Variants in ZFHX3 observed in about 807,000 individuals in gnomAD.
The protein encoded by ZFHX3 is zinc finger homeobox 3.
ZFHX3 carries 42 observed loss-of-function variants against 279.1 expected under a neutral mutation model. The observed-to-expected ratio is 0.15, with a 90% CI of 0.12 to 0.19. ZFHX3 has a LOEUF of 0.19. Ranked by LOEUF, ZFHX3 falls within the 10% of genes least tolerant of loss-of-function variation. The probability of loss-of-function intolerance (pLI) is 1.00; values close to 1 mark genes in which losing one functional copy is unlikely to be tolerated. For missense variants in ZFHX3, 4,981 were observed against 4,754.0 expected (o/e 1.05, Z -1.40); for synonymous variants, 2,293 against 1,957.8 (o/e 1.17, Z -4.52).
intron 3 of ZFHX3, among the ~76,000 whole-genome samples, chr16:73,335,267 G>C (rs544463614): frequency 6.6e-6 from 1 of 152,192 alleles, no homozygotes; most frequent in South Asian, 2.1e-4. Context: ...ATGAAGACAG[G>C]TTTATTTTCC....
intron 4 of ZFHX3, among the ~76,000 whole-genome samples, chr16:72,888,932 G>A (rs564765106): frequency 6.6e-6 from 1 of 152,260 alleles, no homozygotes; most frequent in South Asian, 2.1e-4. Flanking sequence ...GAAAGTTTTG[G>A]TTTCTAAAGA....
intron 3 of ZFHX3, among the ~76,000 whole-genome samples, chr16:73,352,841 T>C (rs1022291776): frequency 1.3e-5 from 2 of 152,162 alleles, no homozygotes; most frequent in African/African-American, 4.8e-5. Flanking sequence ...TGGGACTTCA[T>C]CTGCTGTGAA....
chr16:72,939,162 G>A (rs922364011), intron 3 of ZFHX3, among the ~76,000 whole-genome samples: 7 of 152,150 alleles, frequency 4.6e-5, no homozygotes, highest in African/African-American at 1.7e-4. Flanking sequence ...AGGAGCTATG[G>A]GAGGACCACA....
intron 1 of ZFHX3, among the ~76,000 whole-genome samples, chr16:73,843,416 G>C (rs1428545376): frequency 6.6e-6 from 1 of 152,188 alleles, no homozygotes; most frequent in African/African-American, 2.4e-5. Flanking sequence ...GGTTCACAAA[G>C]AAACAAAGCC....
At chr16:73,153,370 C>T (rs1420166157) in intron 5 of ZFHX3, among the ~76,000 whole-genome samples, 1 of 152,204 alleles carries the variant, frequency 6.6e-6, no homozygotes, top group Admixed American at 6.5e-5. Flanking sequence ...AAGAAGCCTC[C>T]TGCCTCCGTC....
At chr16:73,358,233 C>T (rs950411242) in intron 3 of ZFHX3, among the ~76,000 whole-genome samples, 9 of 152,250 alleles carry the variant, frequency 5.9e-5, no homozygotes, top group African/African-American at 1.9e-4. Context: ...GTCCCCTCCC[C>T]TCGAGTGTGG....
chr16:72,889,662 C>T (rs2038721619), intron 4 of ZFHX3, 69 bp downstream of exon 4: 3 of 1,481,072 alleles, frequency 2.0e-6, no homozygotes, highest in African/African-American at 1.4e-5. Flanking sequence ...AACAGAAGTC[C>T]TCTGGAGGTC....
intron 1 of ZFHX3, chr16:73,015,199 A>G (rs752615840): frequency 5.9e-5 from 9 of 151,898 alleles, no homozygotes; most frequent in East Asian, 1.9e-4. Context: ...GACGCCTACC[A>G]CCGTGCACAG....
Position 73,134,804 on chromosome 16 carries a change from T to C in ZFHX3, c.-1023-3710A>G, listed in dbSNP as rs376225624. Among the ~76,000 whole-genome samples, 23 of 152,164 alleles carry C rather than the reference T, an allele frequency of 1.5e-4. No individual in the cohort carries two copies. The South Asian group carries it at 4.4e-3, about 29-fold the overall frequency. On this transcript the variant is annotated intron_variant, in intron 6 of 17. Coordinates refer to the ZFHX3 transcript ENST00000641206. ...TGACTTGCTTTGGCTGCCAATAAAA[T>C]GTAAGAGGAGGTGATGTTTGCTACT...
intron 1 of ZFHX3, among the ~76,000 whole-genome samples, chr16:73,730,031 G>T (rs534607250): frequency 6.6e-6 from 1 of 152,138 alleles, no homozygotes; most frequent in Non-Finnish European, 1.5e-5. Flanking sequence ...AAGACAATCA[G>T]ACAAACATGG....
intron 2 of ZFHX3, among the ~76,000 whole-genome samples, chr16:73,533,622 A>T (rs189806403): frequency 6.6e-6 from 1 of 152,076 alleles, no homozygotes; most frequent in Non-Finnish European, 1.5e-5. Flanking sequence ...TGGGCTAATC[A>T]GCATCTTCAC....
rs373357741 is a variant in ZFHX3, at chr16:73,342,419, C to G, written c.-1290-24083G>C. On this transcript the variant is annotated intron_variant, in intron 3 of 17. Coordinates refer to the ZFHX3 transcript ENST00000641206. ...TCACAATGGAGATATTGGAAACAAT[C>G]TCAATGGCCACGAATAGAAGACTGG... Among the ~76,000 whole-genome samples, 17 of 152,290 alleles carry G rather than the reference C, an allele frequency of 1.1e-4. No homozygotes were observed. The South Asian group carries it at 3.5e-3, about 32-fold the overall frequency.
chr16:73,450,359 T>C (rs965144313), intron 3 of ZFHX3, among the ~76,000 whole-genome samples: 2 of 152,224 alleles, frequency 1.3e-5, no homozygotes, highest in African/African-American at 4.8e-5. Flanking sequence ...TCAACAGATT[T>C]GAAAGACTTT....
intron 1 of ZFHX3, among the ~76,000 whole-genome samples, chr16:73,021,176 C>T (rs1470150467): frequency 6.6e-6 from 1 of 152,092 alleles, no homozygotes; most frequent in Non-Finnish European, 1.5e-5. Flanking sequence ...CATATAGTGG[C>T]TCAATAAAAG....
chr16:73,875,773 C>A (rs2029927726), intron 1 of ZFHX3, among the ~76,000 whole-genome samples: 1 of 152,134 alleles, frequency 6.6e-6, no homozygotes, highest in African/African-American at 2.4e-5. Flanking sequence ...CATCTGATAG[C>A]CAGATACATA....
intron 7 of ZFHX3, among the ~76,000 whole-genome samples, chr16:73,125,069 T>C (rs1966546299): frequency 6.6e-6 from 1 of 152,070 alleles, no homozygotes; most frequent in South Asian, 2.1e-4. Flanking sequence ...ATCCAGCCCA[T>C]GGATTTAAAA....
At position 73,448,695 on chromosome 16, in the gene ZFHX3, T is replaced by A. The variant is rs906321550; in HGVS notation, c.-1291+7308A>T. On this transcript the variant is annotated intron_variant, in intron 3 of 17. Coordinates refer to the ZFHX3 transcript ENST00000641206. ...GTGTATATTTATATACGTGTGTGTG[T>A]GTGTGTGTGTGTGTGTGTGTGTGTG... 1.3e-3 allele frequency among the ~76,000 whole-genome samples: 196 copies of A among 151,014 alleles called. 1 individual carries two copies. The highest frequency in any genetic ancestry group is 4.4e-3 in the African/African-American group (179 of 41,108).
In ZFHX3 at chr16:72,957,878, G is replaced by C; in HGVS notation, c.2268C>G (p.Asn756Lys). Reference sequence around the variant, plus strand: ...CCTGCTCCCCCCCTCCATTCTGCAGGTTCTGCATGTTGTTGAGATGCTTGT... The same window carrying C: ...CCTGCTCCCCCCCTCCATTCTGCAGCTTCTGCATGTTGTTGAGATGCTTGT... Reference protein sequence around the residue: ...QSDKHLNNMQNLQNGGGEQVF... With the variant: ...QSDKHLNNMQKLQNGGGEQVF... The change falls in exon 2 of 10, where the codon AAC becomes AAG. Residue 756 changes from asparagine (N) to lysine (K), a missense_variant. By Grantham distance (94) the Asn-to-Lys change is moderately conservative (BLOSUM62 0). Coordinates refer to ENST00000268489, the MANE Select transcript of ZFHX3 (RefSeq NM_006885.4). 6.2e-7 allele frequency: 1 copy of C among 1,614,072 alleles called. No individual in the cohort carries two copies. Among genetic ancestry groups the C allele is most frequent in the Non-Finnish European group, 8.5e-7 (1 of 1,180,028 alleles).
At chr16:72,799,185 A>G (rs574834540) in intron 8 of ZFHX3, among the ~76,000 whole-genome samples, 98 of 152,242 alleles carry the variant, frequency 6.4e-4, no homozygotes, top group Non-Finnish European at 1.0e-3. Context: ...GGAATTTACA[A>G]GAACTGCTGA....
Sources: gnomAD v4.1 joint callset for allele counts (sites outside exome capture counted in the v4.1 genomes callset) on GRCh38, gnomAD v4.1.1 for gene constraint, MANE v1.5 for transcripts, NCBI Gene and HGNC (gene_info 2026-07-23, HGNC 2026-07-21) for gene names.